Variants in OR10G4 observed in about 807,000 individuals in gnomAD.
The protein encoded by OR10G4 is olfactory receptor family 10 subfamily G member 4.
For missense variants in OR10G4, 318 were observed against 388.8 expected (o/e 0.82, Z 1.53); for synonymous variants, 130 against 159.3 (o/e 0.82, Z 1.39).
At chr11:124,013,444 T>G (rs551718588) in intron 1 of OR10G4, among the ~76,000 whole-genome samples, 197 of 152,298 alleles carry the variant, frequency 1.3e-3, no homozygotes, top group Non-Finnish European at 2.4e-3. Flanking sequence ...GCTGGTACAG[T>G]AGAAATTTCA....
rs760450704 is a variant in OR10G4, at chr11:124,016,035, A to T, written c.461A>T (p.His154Leu). Residue 154 changes from histidine (H) to leucine (L), a missense_variant, in exon 2 of 2, where the codon CAC (histidine) becomes CTC (leucine). By Grantham distance (99) the His-to-Leu change is moderately conservative. Transcript: ENST00000641722. Reference sequence around the variant, plus strand: ...GGCACTTGGCTCAGTGGCTCTCTGCACTCTGCTGTCCAGACCATATTGACT... The same window carrying T: ...GGCACTTGGCTCAGTGGCTCTCTGCTCTCTGCTGTCCAGACCATATTGACT... The part of the protein sequence containing the change: ...ATGTWLSGSL[H>L]SAVQTILTFH... 6.2e-7 allele frequency: 1 copy of T among 1,613,688 alleles called. No homozygotes were observed. The highest frequency in any genetic ancestry group is 1.1e-5 in the South Asian group (1 of 91,054).
rs1309510422 is a variant in OR10G4 at position 124,017,748 on chromosome 11, T to G, written c.*1238T>G. ...TTTGCAGCTATGGACATGTGGATCT[T>G]AAAGTGCGGATTGAAATGGAATGAG... is the stretch of plus-strand genomic sequence containing the variant. On this transcript the variant is annotated 3_prime_UTR_variant, in exon 2 of 2. Transcript: ENST00000641722. 6.6e-6 allele frequency: 1 copy of G among 152,158 alleles called. No homozygotes were observed. The highest frequency in any genetic ancestry group is 1.5e-5 in the Non-Finnish European group (1 of 68,044). 9.4% of individuals were successfully genotyped at this position (152,158 alleles called of 1,614,324 possible).
In OR10G4 at chr11:124,016,533, G is replaced by A; in HGVS notation, c.*23G>A. 1 of 1,499,078 alleles carries A rather than the reference G, an allele frequency of 6.7e-7. No individual in the cohort carries two copies. The highest frequency in any genetic ancestry group is 9.0e-7 in the Non-Finnish European group (1 of 1,112,492). 92.9% of individuals were successfully genotyped at this position (1,499,078 alleles called of 1,614,324 possible). Reference sequence around the variant, plus strand: ...TAAATACTAGGAAGTAAATACACTAGTTTGTTTAAAAATAGTAATCTAATT... The same window carrying A: ...TAAATACTAGGAAGTAAATACACTAATTTGTTTAAAAATAGTAATCTAATT... On this transcript the variant is annotated 3_prime_UTR_variant, in exon 2 of 2. Coordinates refer to ENST00000641722, the MANE Select transcript of OR10G4 (RefSeq NM_001004462.2).
Position 124,016,446 on chromosome 11 carries a change from AC to A in OR10G4, c.873del (p.Asn291LysfsTer4). The A allele has an allele frequency of 6.2e-7, 1 of 1,613,310 alleles. No homozygotes were observed. Reference sequence around the variant, plus strand: ...AACCCTGTTGTGTACACCCTGAGAAACAAGGAGGTGAAGAAAGCTGTGTTGA... The same window carrying A: ...AACCCTGTTGTGTACACCCTGAGAAAAAGGAGGTGAAGAAAGCTGTGTTGA... Reference protein sequence around the residue: ...LLNPVVYTLRNKEVKKAVLKL... With the variant: ...LLNPVVYTLRXKEVKKAVLKL... On this transcript the variant is annotated frameshift_variant, in exon 2 of 2. Transcript: ENST00000641722. LOFTEE classifies it low-confidence loss of function (END_TRUNC).
At chr11:124,013,396 A>T (rs1168057466) in intron 1 of OR10G4, among the ~76,000 whole-genome samples, 1 of 152,216 alleles carries the variant, frequency 6.6e-6, no homozygotes, top group Non-Finnish European at 1.5e-5. Flanking sequence ...CATATTTCAT[A>T]AAATCTGATT....
rs1181471220 is a variant in OR10G4, at chr11:124,017,915, C to A, written c.*1405C>A. 2 of 152,112 alleles carry A rather than the reference C, an allele frequency of 1.3e-5. No homozygotes were observed. The highest frequency in any genetic ancestry group is 2.9e-5 in the Non-Finnish European group (2 of 68,028). 9.4% of individuals were successfully genotyped at this position (152,112 alleles called of 1,614,324 possible). On this transcript the variant is annotated 3_prime_UTR_variant, in exon 2 of 2. Transcript: ENST00000641722. ...AGACTAGACAAATAGAAAAACGGAA[C>A]TGAATACAGAGTAAAGAAATAGACT...
rs777828494 is a variant in OR10G4, at chr11:124,016,448, A to T, written c.874A>T (p.Lys292Ter). Residue 292 changes from lysine to a stop codon, truncating the protein, a stop_gained, in exon 2 of 2, where the codon AAG becomes TAG. Transcript: ENST00000641722. LOFTEE classifies it low-confidence loss of function (END_TRUNC). ...CCCTGTTGTGTACACCCTGAGAAAC[A>T]AGGAGGTGAAGAAAGCTGTGTTGAA... Reference protein sequence around the residue: ...LNPVVYTLRNKEVKKAVLKLR... With the variant: ...LNPVVYTLRN 1 of 1,612,914 alleles carries T rather than the reference A, an allele frequency of 6.2e-7. No individual in the cohort carries two copies. Among genetic ancestry groups the T allele is most frequent in the Admixed American group, 1.7e-5 (1 of 59,762 alleles).
Position 124,016,231 on chromosome 11 carries a change from C to T in OR10G4, c.657C>T (p.Ser219=), listed in dbSNP as rs749203292. 12 of 1,614,196 alleles carry T rather than the reference C, an allele frequency of 7.4e-6. No homozygotes were observed. In the Admixed American group the frequency reaches 1.5e-4, roughly 20 times the overall value. The change falls in exon 2 of 2, where the codon TCC becomes TCT. Residue 219 remains serine (S), a synonymous_variant. Coordinates refer to ENST00000641722, the MANE Select transcript of OR10G4 (RefSeq NM_001004462.2). Reference sequence around the variant, plus strand: ...TCCTGATAGTGCTGTCCTATGTGTCCATCGTCTGTTCCATCCTGCGGATCC... The same window carrying T: ...TCCTGATAGTGCTGTCCTATGTGTCTATCGTCTGTTCCATCCTGCGGATCC... ...CFVLIVLSYV[S]IVCSILRIRT...
intron 1 of OR10G4, 22 bp downstream of exon 1, chr11:124,013,134 T>C (rs558682331): frequency 6.6e-6 from 1 of 152,326 alleles, no homozygotes; most frequent in Non-Finnish European, 1.5e-5. Flanking sequence ...GAAATGCAGA[T>C]TTAAACTTAT....
chr11:124,013,526 A>C (rs764030935), intron 1 of OR10G4, among the ~76,000 whole-genome samples: 7 of 152,194 alleles, frequency 4.6e-5, no homozygotes, highest in African/African-American at 7.2e-5. Flanking sequence ...TCTGCTATTT[A>C]TTTACATGTT....
chr11:124,017,268 C>T lies in OR10G4; in HGVS notation c.*758C>T, dbSNP rs1196882571. 6.6e-6 allele frequency: 1 copy of T among 152,154 alleles called. No individual in the cohort carries two copies. Among genetic ancestry groups the T allele is most frequent in the East Asian group, 1.9e-4 (1 of 5,196 alleles). 9.4% of individuals were successfully genotyped at this position (152,154 alleles called of 1,614,324 possible). A position where few individuals can be genotyped will look rare whatever the true frequency, so the allele number is the denominator to read the frequency against. ...ACAACTACATATATAATTGTTTACG[C>T]ACTTTATACATTTGCACCCATTTTT... On this transcript the variant is annotated 3_prime_UTR_variant, in exon 2 of 2. Coordinates refer to ENST00000641722, the MANE Select transcript of OR10G4 (RefSeq NM_001004462.2).
chr11:124,016,647 A>G lies in OR10G4; in HGVS notation c.*137A>G. 2 of 594,264 alleles carry G rather than the reference A, an allele frequency of 3.4e-6. No individual in the cohort carries two copies. Among genetic ancestry groups the G allele is most frequent in the South Asian group, 5.4e-5 (2 of 36,870 alleles). The allele number at this position is 594,264 out of a possible 1,614,324, so 36.8% of individuals were successfully genotyped here. ...CTGCACAGTTATAATTCTTCCACAG[A>G]TTGTCTAAGACAGTTTTAACCTCAC... On this transcript the variant is annotated 3_prime_UTR_variant, in exon 2 of 2. Transcript: ENST00000641722.
Position 124,015,784 on chromosome 11 carries a change from G to A in OR10G4, c.210G>A (p.Trp70Ter), listed in dbSNP as rs146142166. 1.3e-4 allele frequency: 209 copies of A among 1,602,248 alleles called. No homozygotes were observed. In the African/African-American group the frequency reaches 2.5e-3, roughly 19 times the overall value. The change falls in exon 2 of 2, where the codon TGG becomes TGA. Residue 70 changes from tryptophan (W) to a stop codon, truncating the protein, a stop_gained. Transcript: ENST00000641722. LOFTEE classifies it low-confidence loss of function (END_TRUNC). Reference sequence around the variant, plus strand: ...CCAACCTGTCCTTCATTGACATGTGGTTCTCCACTGTCACGGTGCCCAAAA... The same window carrying A: ...CCAACCTGTCCTTCATTGACATGTGATTCTCCACTGTCACGGTGCCCAAAA... ...FLTNLSFIDM[W>*]FSTVTVPKML...
In OR10G4 at chr11:124,016,373, A is replaced by G. The variant is rs749594809; in HGVS notation, c.799A>G (p.Met267Val). 29 of 1,614,038 alleles carry G rather than the reference A, an allele frequency of 1.8e-5. No individual in the cohort carries two copies. Among genetic ancestry groups the G allele is most frequent in the South Asian group, 1.6e-4 (15 of 91,088 alleles). Residue 267 changes from methionine (M) to valine (V), a missense_variant, in exon 2 of 2, where the codon ATG becomes GTG. Met to Val is a conservative substitution (Grantham distance 21, BLOSUM62 1). Coordinates refer to ENST00000641722, the MANE Select transcript of OR10G4 (RefSeq NM_001004462.2). ...IYLRPGSMDA[M>V]DGVVAIFYTV... ...TCTGAGGCCAGGCTCCATGGATGCC[A>G]TGGATGGAGTTGTGGCCATTTTCTA... is the stretch of plus-strand genomic sequence containing the variant.
intron 1 of OR10G4, among the ~76,000 whole-genome samples, chr11:124,013,988 G>GT (rs1157921573): frequency 9.2e-5 from 14 of 152,152 alleles, no homozygotes; most frequent in Non-Finnish European, 4.4e-5. Flanking sequence ...CTAGGATAGA[G>GT]TGATGTACAA....
rs774583054 is a variant in OR10G4, at chr11:124,015,673, C to G, written c.99C>G (p.Tyr33Ter). ...TCTTTGGAATCTTCCTGGTGGTTTA[C>G]GTGCTCACTGTGCTGGGGAACCTCC... ...ALLFGIFLVVYVLTVLGNLLI... is the reference protein window; with the variant it reads ...ALLFGIFLVV The change falls in exon 2 of 2, where the codon TAC becomes TAG. Residue 33 changes from tyrosine to a stop codon, truncating the protein, a stop_gained. Transcript: ENST00000641722. LOFTEE classifies it low-confidence loss of function (END_TRUNC). The G allele has an allele frequency of 6.2e-7, 1 of 1,609,868 alleles. No individual in the cohort carries two copies. The highest frequency in any genetic ancestry group is 1.7e-5 in the Admixed American group (1 of 59,668).
At chr11:124,015,304 G>C in intron 1 of OR10G4, 1 of 510,336 alleles carries the variant, frequency 2.0e-6, no homozygotes, top group South Asian at 3.2e-5. Context: ...TATATCAATG[G>C]AAATCTAATA....
chr11:124,013,751 T>G (rs1591463346), intron 1 of OR10G4, among the ~76,000 whole-genome samples: 1 of 152,356 alleles, frequency 6.6e-6, no homozygotes, highest in East Asian at 1.9e-4. Context: ...GAATACCAAT[T>G]GTACAGAATC....
intron 1 of OR10G4, 170 bp from the exon 2 acceptor site, chr11:124,015,378 T>C (rs1330033200): frequency 7.5e-6 from 5 of 668,228 alleles, no homozygotes; most frequent in Non-Finnish European, 1.0e-5. Context: ...TGCATGTGTG[T>C]GAGAGAGGCT....
Sources: allele counts gnomAD v4.1 joint callset (sites outside exome capture counted in the v4.1 genomes callset), GRCh38; gene constraint gnomAD v4.1.1; transcripts MANE v1.5; gene names NCBI Gene and HGNC (gene_info 2026-07-23, HGNC 2026-07-21).